HPGDS: variants seen among roughly 807,000 people sequenced by gnomAD.
The protein encoded by HPGDS is hematopoietic prostaglandin D synthase.
Under a neutral mutation model 23.1 loss-of-function variants are expected in HPGDS, and 26 were observed. The ratio of observed to expected loss-of-function variants is 1.13; its 90% CI spans 0.83 to 1.56. HPGDS has a LOEUF of 1.56. HPGDS is among the 40% of genes most tolerant of loss of function. HPGDS has a pLI of 0.00. For missense variants in HPGDS, 268 were observed against 236.4 expected (o/e 1.13, Z -0.88); for synonymous variants, 95 against 77.9 (o/e 1.22, Z -1.16).
intron 2 of HPGDS, among the ~76,000 whole-genome samples, chr4:94,324,303 G>A (rs1007451479): frequency 2.0e-5 from 3 of 152,078 alleles, no homozygotes; most frequent in African/African-American, 4.8e-5. Flanking sequence ...TTGCATGTTG[G>A]CCTGTCTTGC....
chr4:94,309,956 C>G (rs75926629), intron 3 of HPGDS, among the ~76,000 whole-genome samples: 1 of 151,966 alleles, frequency 6.6e-6, no homozygotes, highest in African/African-American at 2.4e-5. Flanking sequence ...TCATATCTTT[C>G]GCCCACTTGT....
chr4:94,304,202 C>T (rs1257111585), intron 4 of HPGDS, among the ~76,000 whole-genome samples: 1 of 151,952 alleles, frequency 6.6e-6, no homozygotes, highest in African/African-American at 2.4e-5. Flanking sequence ...TCGTATATTT[C>T]TCAAAAGCAT....
At chr4:94,300,646 A>T (rs113816560) in intron 5 of HPGDS, among the ~76,000 whole-genome samples, 3,139 of 152,270 alleles carry the variant, frequency 0.021, 102 homozygotes, top group African/African-American at 0.071. Context: ...GCTGGAGAGC[A>T]AGGTAGGATG....
chr4:94,311,875 A>G (rs1021768520), intron 3 of HPGDS, among the ~76,000 whole-genome samples: 3 of 151,400 alleles, frequency 2.0e-5, no homozygotes, highest in Non-Finnish European at 4.4e-5. Context: ...GGGAGGGTGT[A>G]TGTGTCGAGG....
intron 2 of HPGDS, among the ~76,000 whole-genome samples, chr4:94,328,882 T>C (rs1387161291): frequency 6.6e-6 from 1 of 152,186 alleles, no homozygotes; most frequent in Non-Finnish European, 1.5e-5. Context: ...TAGAATCAAC[T>C]TTGTGTGTCT....
At chr4:94,339,750 G>T (rs1296045715) in intron 1 of HPGDS, among the ~76,000 whole-genome samples, 2 of 151,936 alleles carry the variant, frequency 1.3e-5, no homozygotes, top group African/African-American at 4.8e-5. Flanking sequence ...ATCCCCACCA[G>T]AATCTCATCT....
intron 2 of HPGDS, among the ~76,000 whole-genome samples, chr4:94,330,401 C>T (rs190102189): frequency 1.2e-4 from 18 of 152,150 alleles, no homozygotes; most frequent in Non-Finnish European, 2.2e-4. Context: ...CTTCACTCAG[C>T]ACATTTGTAT....
Position 94,329,085 on chromosome 4 carries a change from A to T in HPGDS, c.133+5412T>A, listed in dbSNP as rs531366607. 3.9e-5 allele frequency among the ~76,000 whole-genome samples: 6 copies of T among 152,362 alleles called. No homozygotes were observed. The South Asian group carries it at 1.0e-3, about 26-fold the overall frequency. Reference sequence around the variant, plus strand: ...GACATGAGTTGGGATGCCTTATTTGAAGCAAAATATGTGAACAAGAAGGAA... The same window carrying T: ...GACATGAGTTGGGATGCCTTATTTGTAGCAAAATATGTGAACAAGAAGGAA... On this transcript the variant is annotated intron_variant, in intron 2 of 5. Coordinates refer to ENST00000295256, the MANE Select transcript of HPGDS (RefSeq NM_014485.3).
intron 3 of HPGDS, among the ~76,000 whole-genome samples, chr4:94,309,668 T>C (rs1756219982): frequency 1.3e-5 from 2 of 151,972 alleles, no homozygotes; most frequent in South Asian, 2.1e-4. Flanking sequence ...CTGGGTCAAA[T>C]GGTATTTCTA....
At chr4:94,305,628 C>T (rs1025782159) in intron 4 of HPGDS, among the ~76,000 whole-genome samples, 1 of 152,042 alleles carries the variant, frequency 6.6e-6, no homozygotes, top group African/African-American at 2.4e-5. Context: ...CTGTTTTGAA[C>T]AGCTGCTTGC....
chr4:94,330,924 A>G (rs1407396689), intron 2 of HPGDS, among the ~76,000 whole-genome samples: 1 of 152,236 alleles, frequency 6.6e-6, no homozygotes. Context: ...CCCCAGAATC[A>G]CAGCAGAATC....
At chr4:94,337,931 ATT>A (rs1721057921) in intron 1 of HPGDS, among the ~76,000 whole-genome samples, 2 of 152,222 alleles carry the variant, frequency 1.3e-5, no homozygotes, top group Non-Finnish European at 2.9e-5. Context: ...GAAGTCTAAG[ATT>A]TGGCAGAGGC....
At position 94,299,101 on chromosome 4, in the gene HPGDS, A is replaced by G. The variant is rs1755980699; in HGVS notation, c.*379T>C. 5.8e-6 allele frequency: 1 copy of G among 172,550 alleles called. No individual in the cohort carries two copies. Among genetic ancestry groups the G allele is most frequent in the Admixed American group, 5.6e-5 (1 of 17,712 alleles). 10.7% of individuals were successfully genotyped at this position (172,550 alleles called of 1,614,324 possible). On this transcript the variant is annotated 3_prime_UTR_variant, in exon 6 of 6. Transcript: ENST00000295256. Reference sequence around the variant, plus strand: ...GCGATATGTGAACTGGAGAGCTACTAGCAAAGTTTGTGTTTTATGCAATTA... The same window carrying G: ...GCGATATGTGAACTGGAGAGCTACTGGCAAAGTTTGTGTTTTATGCAATTA...
intron 2 of HPGDS, among the ~76,000 whole-genome samples, chr4:94,323,480 C>T (rs960521969): frequency 1.3e-5 from 2 of 152,162 alleles, no homozygotes; most frequent in Admixed American, 6.5e-5. Flanking sequence ...GGATAGTTAG[C>T]TCTTCTTGTT....
chr4:94,318,450 A>G (rs1284153266), intron 2 of HPGDS, among the ~76,000 whole-genome samples: 3 of 152,130 alleles, frequency 2.0e-5, no homozygotes, highest in Non-Finnish European at 4.4e-5. Flanking sequence ...ATGATCAAGA[A>G]ATTTTTTATT....
Position 94,299,365 on chromosome 4 carries a change from A to C in HPGDS, c.*115T>G. On this transcript the variant is annotated 3_prime_UTR_variant, in exon 6 of 6. Transcript: ENST00000295256. ...AAATCAGAATATGGCTAAAGTGAAA[A>C]TCTTAGTGGAGCTGGGGAGGGAGCA... The C allele has an allele frequency of 2.4e-6, 2 of 843,044 alleles. No individual in the cohort carries two copies. Among genetic ancestry groups the C allele is most frequent in the East Asian group, 5.3e-5 (2 of 37,992 alleles). The allele number at this position is 843,044 out of a possible 1,614,324, so 52.2% of individuals were successfully genotyped here. A position where few individuals can be genotyped will look rare whatever the true frequency, so the allele number is the denominator to read the frequency against.
chr4:94,313,005 T>G (rs1756310629), intron 3 of HPGDS, among the ~76,000 whole-genome samples: 2 of 151,908 alleles, frequency 1.3e-5, no homozygotes, highest in African/African-American at 4.8e-5. Flanking sequence ...TCTTCCTCCA[T>G]CCCTTTATTT....
intron 3 of HPGDS, among the ~76,000 whole-genome samples, chr4:94,310,145 T>C (rs537334785): frequency 1.3e-3 from 205 of 152,324 alleles, no homozygotes; most frequent in Non-Finnish European, 2.5e-3. Flanking sequence ...TTAGATCCCA[T>C]TTGTCAATTC....
At chr4:94,322,319 A>G (rs1756529160) in intron 2 of HPGDS, among the ~76,000 whole-genome samples, 1 of 152,172 alleles carries the variant, frequency 6.6e-6, no homozygotes, top group African/African-American at 2.4e-5. Context: ...ATTGATTGGA[A>G]TAGTTTCAGA....
Sources: gnomAD v4.1 joint callset for allele counts (sites outside exome capture counted in the v4.1 genomes callset) on GRCh38, gnomAD v4.1.1 for gene constraint, MANE v1.5 for transcripts, NCBI Gene and HGNC (gene_info 2026-07-23, HGNC 2026-07-21) for gene names.